The following FAM162A variants were observed in gnomAD, a reference collection of about 807,000 sequenced individuals.
FAM162A encodes the protein protein FAM162A.
Under a neutral mutation model 21.8 loss-of-function variants are expected in FAM162A, and 23 were observed. The ratio of observed to expected loss-of-function variants is 1.05; its 90% CI spans 0.76 to 1.49. The LOEUF (loss-of-function observed/expected upper bound fraction) is 1.49, where lower values mean the gene tolerates loss of function less well. Among genes scored for constraint, FAM162A ranks in the 40% most tolerant of loss-of-function variants. The pLI is 0.00. For missense variants in FAM162A, 165 were observed against 186.4 expected (o/e 0.89, Z 0.67); for synonymous variants, 53 against 61.3 (o/e 0.86, Z 0.64).
At chr3:122,401,477 G>A in intron 1 of FAM162A, 1 of 1,243,168 alleles carries the variant, frequency 8.0e-7, no homozygotes, top group Non-Finnish European at 1.0e-6. Context: ...AAAGAAGGGG[G>A]CTATCTCTTC....
At chr3:122,403,566 C>T (rs753206042) in intron 2 of FAM162A, among the ~76,000 whole-genome samples, 1 of 152,228 alleles carries the variant, frequency 6.6e-6, no homozygotes, top group Non-Finnish European at 1.5e-5. Flanking sequence ...TGAAATGACT[C>T]AGATGGCATA....
chr3:122,391,945 T>C (rs2075606052), intron 1 of FAM162A, among the ~76,000 whole-genome samples: 1 of 152,256 alleles, frequency 6.6e-6, no homozygotes, highest in South Asian at 2.1e-4. Context: ...GTATCTAACA[T>C]ATGTATAACT....
At position 122,384,247 on chromosome 3, in the gene FAM162A, G is replaced by T; in HGVS notation, c.-19G>T. The T allele has an allele frequency of 6.4e-7, 1 of 1,567,922 alleles. No homozygotes were observed. Among genetic ancestry groups the T allele is most frequent in the Non-Finnish European group, 8.6e-7 (1 of 1,156,842 alleles). ...TCCCCGGCGAAGTTCTGCGCTGGTC[G>T]GCGGAGTAGCAAGTGGCCATGGGGA... On this transcript the variant is annotated 5_prime_UTR_variant, in exon 1 of 5. Coordinates refer to ENST00000477892, the MANE Select transcript of FAM162A (RefSeq NM_014367.4).
chr3:122,399,615 A>G (rs2075644091), intron 1 of FAM162A, among the ~76,000 whole-genome samples: 1 of 152,164 alleles, frequency 6.6e-6, no homozygotes, highest in African/African-American at 2.4e-5. Flanking sequence ...TTCATGATAG[A>G]ACATTTATAT....
chr3:122,401,423 G>A, intron 1 of FAM162A: 1 of 1,090,690 alleles, frequency 9.2e-7, no homozygotes, highest in African/African-American at 1.7e-5. Context: ...AGATTTTATG[G>A]GTGACAGGGA....
At chr3:122,409,195 G>T (rs1403451394) in intron 4 of FAM162A, among the ~76,000 whole-genome samples, 1 of 152,146 alleles carries the variant, frequency 6.6e-6, no homozygotes, top group African/African-American at 2.4e-5. Context: ...GAGGACGGTT[G>T]CCTCCCCCAC....
intron 1 of FAM162A, among the ~76,000 whole-genome samples, chr3:122,399,230 C>T (rs1381661856): frequency 3.9e-5 from 6 of 152,142 alleles, no homozygotes; most frequent in Admixed American, 6.5e-5. Flanking sequence ...AATGAATGAC[C>T]TCCAGCTCCA....
Position 122,401,419 on chromosome 3 carries a change from T to C in FAM162A, c.35-1341T>C, listed in dbSNP as rs1046553849. On this transcript the variant is annotated intron_variant, in intron 1 of 4. Coordinates refer to ENST00000477892, the MANE Select transcript of FAM162A (RefSeq NM_014367.4). ...GGTTAATGGAACATAAGTGAGATTT[T>C]ATGGGTGACAGGGAGAGAGATCAGG... 1.3e-5 allele frequency: 14 copies of C among 1,085,392 alleles called. No individual in the cohort carries two copies. The African/African-American group carries it at 2.4e-4, about 18-fold the overall frequency. 67.2% of individuals were successfully genotyped at this position (1,085,392 alleles called of 1,614,324 possible).
Position 122,384,279 on chromosome 3 carries a change from G to T in FAM162A, c.14G>T (p.Ser5Ile). Residue 5 changes from serine (S) to isoleucine (I), a missense_variant, in exon 1 of 5, where the codon AGC becomes ATC. Physicochemically the swap from Ser to Ile is moderately radical, Grantham distance 142. Coordinates refer to ENST00000477892, the MANE Select transcript of FAM162A (RefSeq NM_014367.4). ...TAGCAAGTGGCCATGGGGAGCCTCAGCGGTCTGCGCCTGGCAGCAGGTGAG... is the reference window on the plus strand; with the variant it reads ...TAGCAAGTGGCCATGGGGAGCCTCATCGGTCTGCGCCTGGCAGCAGGTGAG... The part of the protein sequence containing the change: MGSL[S>I]GLRLAAGSCF... 6.3e-7 allele frequency: 1 copy of T among 1,579,204 alleles called. No homozygotes were observed. The highest frequency in any genetic ancestry group is 2.3e-5 in the East Asian group (1 of 43,010).
At chr3:122,394,791 G>A (rs2075619906) in intron 1 of FAM162A, among the ~76,000 whole-genome samples, 1 of 152,016 alleles carries the variant, frequency 6.6e-6, no homozygotes, top group African/African-American at 2.4e-5. Context: ...ATTTGATGAG[G>A]CCACATTATC....
chr3:122,407,547 A>G (rs2075682634), intron 4 of FAM162A, 158 bp downstream of exon 4: 2 of 553,926 alleles, frequency 3.6e-6, no homozygotes, highest in East Asian at 5.6e-5. Context: ...TATTGGGAAC[A>G]AGCCTGGAAT....
At chr3:122,396,698 A>G (rs2075629220) in intron 1 of FAM162A, among the ~76,000 whole-genome samples, 1 of 152,236 alleles carries the variant, frequency 6.6e-6, no homozygotes, top group South Asian at 2.1e-4. Context: ...TAACAGTATT[A>G]TTCATAATAG....
In FAM162A at chr3:122,411,963, A is replaced by G. The variant is rs1436866715; in HGVS notation, c.*2132A>G. ...GTGTTATTCTCCTATTTGATAACATATAGTGACTATCTCTTTATGGGTTAA... is the reference window on the plus strand; with the variant it reads ...GTGTTATTCTCCTATTTGATAACATGTAGTGACTATCTCTTTATGGGTTAA... On this transcript the variant is annotated 3_prime_UTR_variant, in exon 5 of 5. Transcript: ENST00000477892. The G allele has an allele frequency of 2.0e-5, 3 of 152,228 alleles. No individual in the cohort carries two copies. Among genetic ancestry groups the G allele is most frequent in the Non-Finnish European group, 4.4e-5 (3 of 68,044 alleles). The allele number at this position is 152,228 out of a possible 1,614,324, so 9.4% of individuals were successfully genotyped here. A position where few individuals can be genotyped will look rare whatever the true frequency, so the allele number is the denominator to read the frequency against.
intron 1 of FAM162A, among the ~76,000 whole-genome samples, chr3:122,385,074 A>G (rs539471681): frequency 3.2e-4 from 49 of 152,308 alleles, no homozygotes; most frequent in African/African-American, 1.1e-3. Context: ...CTTTTGTTCA[A>G]TGGCACACAC....
intron 3 of FAM162A, among the ~76,000 whole-genome samples, chr3:122,406,982 T>A (rs2075678832): frequency 7.0e-6 from 1 of 142,808 alleles, no homozygotes; most frequent in Non-Finnish European, 1.5e-5. Context: ...AAGTGTAGAT[T>A]AATATGCCTT....
chr3:122,390,754 T>C lies in FAM162A; in HGVS notation c.34+6455T>C, dbSNP rs73188318. 8.2e-3 allele frequency among the ~76,000 whole-genome samples: 1,256 copies of C among 152,310 alleles called. 14 individuals are homozygous for C. The highest frequency in any genetic ancestry group is 0.017 in the Middle Eastern group (5 of 294). ...GTTCTGTCCATACTGACTGTATCAG[T>C]TGGGTCCAGTAATCTGTTTCACAGG... On this transcript the variant is annotated intron_variant, in intron 1 of 4. Coordinates refer to ENST00000477892, the MANE Select transcript of FAM162A (RefSeq NM_014367.4).
intron 1 of FAM162A, among the ~76,000 whole-genome samples, chr3:122,384,894 T>C (rs2075567502): frequency 6.6e-6 from 1 of 152,242 alleles, no homozygotes; most frequent in Non-Finnish European, 1.5e-5. Context: ...AGTGTGTAAT[T>C]GAAGGATCTG....
intron 1 of FAM162A, among the ~76,000 whole-genome samples, chr3:122,394,222 T>C (rs2075617225): frequency 2.0e-5 from 3 of 152,140 alleles, no homozygotes; most frequent in Admixed American, 2.0e-4. Flanking sequence ...TCCACCCCCA[T>C]GATCCACTCA....
chr3:122,407,243 G>T, intron 3 of FAM162A, 38 bp from the exon 4 acceptor site: 1 of 1,575,070 alleles, frequency 6.3e-7, no homozygotes, highest in South Asian at 1.1e-5. Flanking sequence ...AAAGGGAAAA[G>T]TTAATAACTT....
Sources: gnomAD v4.1 joint callset for allele counts (sites outside exome capture counted in the v4.1 genomes callset) on GRCh38, gnomAD v4.1.1 for gene constraint, MANE v1.5 for transcripts, NCBI Gene and HGNC (gene_info 2026-07-23, HGNC 2026-07-21) for gene names.